The following PDE1A variants were observed in gnomAD, a reference collection of about 807,000 sequenced individuals.
PDE1A encodes phosphodiesterase 1A.
Under a neutral mutation model 61.7 loss-of-function variants are expected in PDE1A, and 35 were observed. That is an observed-to-expected ratio of 0.57 (90% confidence interval 0.43 to 0.75). PDE1A has a LOEUF of 0.75. Ranked by LOEUF, PDE1A falls within the 30% of genes least tolerant of loss-of-function variation. The pLI is 0.00. For missense variants in PDE1A, 597 were observed against 630.6 expected, an observed-to-expected ratio of 0.95 and a Z score of 0.57; for synonymous variants, 232 against 213.2, an observed-to-expected ratio of 1.09 and a Z score of -0.77.
intron 1 of PDE1A, among the ~76,000 whole-genome samples, chr2:182,390,709 AC>A (rs1207089161): frequency 2.0e-5 from 3 of 152,180 alleles, no homozygotes; most frequent in African/African-American, 7.2e-5. Flanking sequence ...CCAGGTGTCT[AC>A]TGTTAAAGTG....
chr2:182,328,570 G>A (rs1697198049), intron 1 of PDE1A, among the ~76,000 whole-genome samples: 1 of 152,196 alleles, frequency 6.6e-6, no homozygotes, highest in Admixed American at 6.5e-5. Context: ...ATACGAGAGG[G>A]AGGGAACTTG....
the PDE1A span, among the ~76,000 whole-genome samples, chr2:182,613,767 C>A: frequency 6.6e-6 from 1 of 152,132 alleles, no homozygotes; most frequent in Non-Finnish European, 1.5e-5. Flanking sequence ...AAATTTTTAA[C>A]CATGAGTTTC....
At chr2:182,714,683 C>T in the PDE1A span, among the ~76,000 whole-genome samples, 2 of 151,946 alleles carry the variant, frequency 1.3e-5, no homozygotes, top group East Asian at 1.9e-4. Flanking sequence ...TCTTGACTCC[C>T]GAGTAGCTGG....
intron 1 of PDE1A, among the ~76,000 whole-genome samples, chr2:182,366,139 A>T (rs1039785359): frequency 1.3e-5 from 2 of 152,040 alleles, no homozygotes; most frequent in African/African-American, 4.8e-5. Context: ...TCTCTTCTAG[A>T]GTCATTTTAA....
At chr2:182,590,743 A>G in the PDE1A span, among the ~76,000 whole-genome samples, 1 of 152,226 alleles carries the variant, frequency 6.6e-6, no homozygotes, top group Admixed American at 6.5e-5. Context: ...TCCATTAAAT[A>G]TAGGGAAAAC....
chr2:182,163,628 A>C (rs1404828043), downstream of PDE1A, among the ~76,000 whole-genome samples: 1 of 152,164 alleles, frequency 6.6e-6, no homozygotes, highest in African/African-American at 2.4e-5. Context: ...ACCCTTCTAA[A>C]GTAAAGAGTT....
At chr2:182,183,811 A>G (rs895443454) in intron 13 of PDE1A, among the ~76,000 whole-genome samples, 2 of 152,094 alleles carry the variant, frequency 1.3e-5, no homozygotes, top group Non-Finnish European at 2.9e-5. Context: ...AGAAATAGAC[A>G]TTATAAAAAA....
intron 1 of PDE1A, among the ~76,000 whole-genome samples, chr2:182,421,679 T>G (rs184845152): frequency 2.0e-5 from 3 of 152,340 alleles, no homozygotes; most frequent in Non-Finnish European, 4.4e-5. Context: ...TGATGACCTC[T>G]TAAAAATTAG....
chr2:182,255,675 T>TTTTA (rs1363335050), intron 2 of PDE1A, among the ~76,000 whole-genome samples: 1 of 150,332 alleles, frequency 6.7e-6, no homozygotes, highest in African/African-American at 2.4e-5. Flanking sequence ...TTTTTTTTTT[T>TTTTA]GAGACAGAGT....
At chr2:182,234,410 G>T in intron 4 of PDE1A, 22 bp downstream of exon 4, 1 of 1,547,738 alleles carries the variant, frequency 6.5e-7, no homozygotes, top group Non-Finnish European at 8.8e-7. Context: ...TTTTATACAC[G>T]AAAATAATGA....
intron 13 of PDE1A, among the ~76,000 whole-genome samples, chr2:182,154,664 C>A (rs891561494): frequency 2.0e-5 from 3 of 152,168 alleles, no homozygotes; most frequent in Non-Finnish European, 4.4e-5. Flanking sequence ...TTCTCCTTTG[C>A]CTTCTGCCAT....
At chr2:182,561,980 T>A in the PDE1A span, among the ~76,000 whole-genome samples, 1 of 152,036 alleles carries the variant, frequency 6.6e-6, no homozygotes, top group Non-Finnish European at 1.5e-5. Flanking sequence ...GTTTTCTAGA[T>A]ATACAATCAT....
chr2:182,625,545 A>C, the PDE1A span, among the ~76,000 whole-genome samples: 1 of 152,212 alleles, frequency 6.6e-6, no homozygotes, highest in Non-Finnish European at 1.5e-5. Context: ...AACAGGATAG[A>C]GGTAGTACCA....
chr2:182,516,490 G>T (rs1375159792), intron 2 of PDE1A, among the ~76,000 whole-genome samples: 3 of 151,548 alleles, frequency 2.0e-5, no homozygotes, highest in African/African-American at 7.3e-5. Context: ...ATCTCTACTA[G>T]ATCTATAAAA....
intron 10 of PDE1A, among the ~76,000 whole-genome samples, chr2:182,194,312 CAT>C (rs369861514): frequency 2.6e-5 from 4 of 152,128 alleles, no homozygotes; most frequent in Non-Finnish European, 5.9e-5. Flanking sequence ...GCCAACCTGA[CAT>C]GTGTGTTCAA....
chr2:182,379,205 A>G (rs1220178258), intron 1 of PDE1A, among the ~76,000 whole-genome samples: 1 of 152,222 alleles, frequency 6.6e-6, no homozygotes, highest in Non-Finnish European at 1.5e-5. Flanking sequence ...GCTTCATGCC[A>G]AATACTTCAC....
At chr2:182,686,864 G>A in the PDE1A span, among the ~76,000 whole-genome samples, 7 of 151,882 alleles carry the variant, frequency 4.6e-5, no homozygotes, top group South Asian at 1.4e-3. Context: ...CTTAGCAAAC[G>A]GCACACCAGG....
At chr2:182,377,776 A>T (rs937359559) in intron 1 of PDE1A, among the ~76,000 whole-genome samples, 1 of 152,218 alleles carries the variant, frequency 6.6e-6, no homozygotes, top group African/African-American at 2.4e-5. Context: ...CAACATGAAA[A>T]TAAACCACAC....
At chr2:182,324,973 G>C (rs919447224) in intron 1 of PDE1A, among the ~76,000 whole-genome samples, 1 of 152,202 alleles carries the variant, frequency 6.6e-6, no homozygotes, top group African/African-American at 2.4e-5. Flanking sequence ...AAGGTTCAAT[G>C]ATTTGCTCAG....
Sources: gnomAD v4.1 joint callset for allele counts (sites outside exome capture counted in the v4.1 genomes callset) on GRCh38, gnomAD v4.1.1 for gene constraint, MANE v1.5 for transcripts, NCBI Gene and HGNC (gene_info 2026-07-23, HGNC 2026-07-21) for gene names.